Variants in RAB14 observed in about 807,000 individuals in gnomAD.
RAB14 encodes RAB14, member RAS oncogene family.
In RAB14, 3 loss-of-function variants were observed where a neutral mutation model predicts 31.1. That is an observed-to-expected ratio of 0.10 (90% CI 0.04 to 0.25). The LOEUF (loss-of-function observed/expected upper bound fraction) is 0.25, where lower values mean the gene tolerates loss of function less well. Ranked by LOEUF, RAB14 falls within the 10% of genes least tolerant of loss-of-function variation. The probability of loss-of-function intolerance (pLI) is 1.00; values close to 1 mark genes in which losing one functional copy is unlikely to be tolerated. For missense variants in RAB14, 111 were observed against 260.1 expected (o/e 0.43, Z 3.94); for synonymous variants, 85 against 84.9 (o/e 1.00, Z 0.00).
rs2053614666 is a variant in RAB14, at chr9:121,178,819, A to G, written c.*2577T>C. ...ATTACTAATCTGAAGGCCTCCTCAC[A>G]GGTCCAAGGGCAATGAGCAACCTCA... On this transcript the variant is annotated 3_prime_UTR_variant, in exon 8 of 8. Coordinates refer to ENST00000373840, the MANE Select transcript of RAB14 (RefSeq NM_016322.4). The G allele has an allele frequency of 6.6e-6, 1 of 152,264 alleles. No homozygotes were observed. The highest frequency in any genetic ancestry group is 1.5e-5 in the Non-Finnish European group (1 of 68,050). The allele number at this position is 152,264 out of a possible 1,614,324, so 9.4% of individuals were successfully genotyped here.
At chr9:121,201,150 G>A (rs1386390280) in intron 1 of RAB14, among the ~76,000 whole-genome samples, 2 of 152,120 alleles carry the variant, frequency 1.3e-5, no homozygotes, top group Admixed American at 6.5e-5. Flanking sequence ...GGGCTGCGAA[G>A]AGCTGCCTTT....
chr9:121,179,567 T>C lies in RAB14; in HGVS notation c.*1829A>G, dbSNP rs113967358. 26 of 152,776 alleles carry C rather than the reference T, an allele frequency of 1.7e-4. No individual in the cohort carries two copies. The highest frequency in any genetic ancestry group is 6.0e-4 in the African/African-American group (25 of 41,578). 9.5% of individuals were successfully genotyped at this position (152,776 alleles called of 1,614,324 possible). A position where few individuals can be genotyped will look rare whatever the true frequency, so the allele number is the denominator to read the frequency against. ...AGGTCATGGTCCCTGGGTGAGTCCC[T>C]TGTGATGCAACAGTGTAAGCAAAAT... On this transcript the variant is annotated 3_prime_UTR_variant, in exon 8 of 8. Transcript: ENST00000373840.
intron 1 of RAB14, among the ~76,000 whole-genome samples, chr9:121,197,513 G>A (rs2053724520): frequency 6.6e-6 from 1 of 152,078 alleles, no homozygotes; most frequent in East Asian, 1.9e-4. Flanking sequence ...GATCTAAGTG[G>A]TTACTGAACA....
Position 121,181,348 on chromosome 9 carries a change from AACAG to A in RAB14, c.*44_*47del. On this transcript the variant is annotated 3_prime_UTR_variant, in exon 8 of 8. Transcript: ENST00000373840. The stretch of plus-strand genomic sequence containing the variant: ...TGAGGCAGTAAAAAGTACTGCTTCC[AACAG>A]ACAGAGGTGAAAGGTCAAATGAGGG... The A allele has an allele frequency of 2.0e-6, 3 of 1,493,450 alleles. No individual in the cohort carries two copies. Among genetic ancestry groups the A allele is most frequent in the Non-Finnish European group, 9.1e-7 (1 of 1,104,958 alleles). 92.5% of individuals were successfully genotyped at this position (1,493,450 alleles called of 1,614,324 possible).
At chr9:121,194,072 T>C (rs2053700888) in intron 1 of RAB14, among the ~76,000 whole-genome samples, 2 of 143,632 alleles carry the variant, frequency 1.4e-5, no homozygotes, top group East Asian at 2.1e-4. Context: ...CTCAACCTAA[T>C]ACAGGACTTG....
In RAB14 at chr9:121,192,171, ATT is replaced by A; in HGVS notation, c.104_105del (p.Lys35IlefsTer4). On this transcript the variant is annotated frameshift_variant and splice_region_variant, in exon 3 of 8. Transcript: ENST00000373840. LOFTEE classifies it high-confidence loss of function. ...SCLLHQFTEK[K>X]FMADCPHTIG... ...TGTTTACCTCATGTATTGAACTTACATTTTTTTTCTGTAAATTGATGAAGCAA... is the reference window on the plus strand; with the variant it reads ...TGTTTACCTCATGTATTGAACTTACATTTTTTCTGTAAATTGATGAAGCAA... 1 of 1,576,914 alleles carries A rather than the reference ATT, an allele frequency of 6.3e-7. No homozygotes were observed.
At chr9:121,194,077 G>T (rs2053700923) in intron 1 of RAB14, among the ~76,000 whole-genome samples, 1 of 132,562 alleles carries the variant, frequency 7.5e-6, no homozygotes, top group Admixed American at 8.4e-5. Flanking sequence ...CCTAATACAG[G>T]ACTTGCAGAT....
At chr9:121,200,590 C>A (rs1333277997) in intron 1 of RAB14, among the ~76,000 whole-genome samples, 1 of 152,142 alleles carries the variant, frequency 6.6e-6, no homozygotes, top group East Asian at 1.9e-4. Context: ...GACTTTAGGT[C>A]ATAAAAGGGT....
Position 121,180,259 on chromosome 9 carries a change from G to C in RAB14, c.*1137C>G, listed in dbSNP as rs959895333. On this transcript the variant is annotated 3_prime_UTR_variant, in exon 8 of 8. Transcript: ENST00000373840. Reference sequence around the variant, plus strand: ...CCTGTGGTTCTGACTGTCCAGTTCAGAATCTGACCATTCCAAGAAGATAAA... The same window carrying C: ...CCTGTGGTTCTGACTGTCCAGTTCACAATCTGACCATTCCAAGAAGATAAA... 1 of 152,598 alleles carries C rather than the reference G, an allele frequency of 6.6e-6. No homozygotes were observed. Among genetic ancestry groups the C allele is most frequent in the Non-Finnish European group, 1.5e-5 (1 of 68,032 alleles). The allele number at this position is 152,598 out of a possible 1,614,324, so 9.5% of individuals were successfully genotyped here.
intron 1 of RAB14, among the ~76,000 whole-genome samples, chr9:121,199,926 CAAAA>C (rs1385110099): frequency 3.3e-5 from 5 of 152,176 alleles, no homozygotes; most frequent in African/African-American, 9.7e-5. Context: ...CTCATTCATT[CAAAA>C]GATATTAAAC....
chr9:121,186,613 G>A (rs572296345), intron 5 of RAB14, among the ~76,000 whole-genome samples: 8 of 152,166 alleles, frequency 5.3e-5, no homozygotes, highest in Middle Eastern at 3.4e-3. Flanking sequence ...TCTCTTCTAC[G>A]TTTTGCCCAG....
intron 1 of RAB14, among the ~76,000 whole-genome samples, chr9:121,196,087 TAGAG>T (rs558989582): frequency 9.2e-5 from 14 of 152,158 alleles, no homozygotes; most frequent in African/African-American, 2.9e-4. Flanking sequence ...TTGCTTTACT[TAGAG>T]AACTCTTGAG....
chr9:121,198,712 C>T (rs979199442), intron 1 of RAB14, among the ~76,000 whole-genome samples: 3 of 152,064 alleles, frequency 2.0e-5, no homozygotes, highest in African/African-American at 7.2e-5. Context: ...AGCATTGTGC[C>T]AGGCTTTAGC....
intron 7 of RAB14, among the ~76,000 whole-genome samples, chr9:121,182,144 T>G (rs540007067): frequency 1.3e-5 from 2 of 152,316 alleles, no homozygotes; most frequent in Admixed American, 1.3e-4. Context: ...ATGCAATCAT[T>G]AAAATACTGT....
At position 121,186,970 on chromosome 9, in the gene RAB14, G is replaced by A. The variant is rs2053662556; in HGVS notation, c.334C>T (p.Leu112Phe). The A allele has an allele frequency of 6.4e-7, 1 of 1,565,774 alleles. No individual in the cohort carries two copies. Among genetic ancestry groups the A allele is most frequent in the African/African-American group, 1.4e-5 (1 of 72,500 alleles). Residue 112 changes from leucine (L) to phenylalanine (F), a missense_variant, in exon 5 of 8, where the codon CTC becomes TTC. Leu to Phe is a conservative substitution (Grantham distance 22). Coordinates refer to ENST00000373840, the MANE Select transcript of RAB14 (RefSeq NM_016322.4). ...TAACTTACAGTATTTGGATTGGTGA[G>A]ATTCCTTGCATCTGTCAACCAGCTG... The part of the protein sequence containing the change: ...LSSWLTDARN[L>F]TNPNTVIILI...
intron 4 of RAB14, among the ~76,000 whole-genome samples, chr9:121,188,912 C>T (rs1028105274): frequency 6.6e-6 from 1 of 152,000 alleles, no homozygotes; most frequent in Admixed American, 6.6e-5. Flanking sequence ...AATTCTAGAA[C>T]ATTTTCATCA....
rs1278589533 is a variant in RAB14, at chr9:121,178,977, C to G, written c.*2419G>C. 1 of 152,214 alleles carries G rather than the reference C, an allele frequency of 6.6e-6. No individual in the cohort carries two copies. Among genetic ancestry groups the G allele is most frequent in the Non-Finnish European group, 1.5e-5 (1 of 68,042 alleles). The allele number at this position is 152,214 out of a possible 1,614,324, so 9.4% of individuals were successfully genotyped here. A position where few individuals can be genotyped will look rare whatever the true frequency, so the allele number is the denominator to read the frequency against. On this transcript the variant is annotated 3_prime_UTR_variant, in exon 8 of 8. Transcript: ENST00000373840. ...TGACAATCTGCTCTATTTGTGAGCA[C>G]CTGAGTGTATTACAGGGGATTACAC...
intron 3 of RAB14, among the ~76,000 whole-genome samples, chr9:121,191,968 A>G (rs1389611915): frequency 6.6e-6 from 1 of 152,114 alleles, no homozygotes; most frequent in African/African-American, 2.4e-5. Context: ...AAAACAAGCA[A>G]ATCAGATTAT....
At chr9:121,192,277 C>T in intron 2 of RAB14, 53 bp from the exon 3 acceptor site, 3 of 1,366,940 alleles carry the variant, frequency 2.2e-6, no homozygotes, top group Non-Finnish European at 1.0e-6. Flanking sequence ...CAATTTTATG[C>T]AATGATCGCT....
Sources: gnomAD v4.1 joint callset for allele counts (sites outside exome capture counted in the v4.1 genomes callset) on GRCh38, gnomAD v4.1.1 for gene constraint, MANE v1.5 for transcripts, NCBI Gene and HGNC (gene_info 2026-07-23, HGNC 2026-07-21) for gene names.